The following RASEF variants were observed in gnomAD, a reference collection of about 807,000 sequenced individuals.
The protein encoded by RASEF is ras and EF-hand domain-containing protein.
RASEF carries 68 observed loss-of-function variants against 90.1 expected under a neutral mutation model. That is an observed-to-expected ratio of 0.75 (90% CI 0.62 to 0.92). RASEF has a LOEUF of 0.92. Among genes scored for constraint, RASEF ranks in the 40% least tolerant of loss-of-function variants. The pLI, the probability that RASEF is intolerant of heterozygous loss-of-function variation, is 0.00. For missense variants in RASEF, 949 were observed against 937.2 expected (o/e 1.01, Z -0.16); for synonymous variants, 331 against 345.2 (o/e 0.96, Z 0.46).
At chr9:83,119,878 C>T in the RASEF span, among the ~76,000 whole-genome samples, 4 of 152,278 alleles carry the variant, frequency 2.6e-5, no homozygotes, top group South Asian at 2.1e-4. Context: ...ACAAACTTCA[C>T]CTTTTAAAAA....
intron 1 of RASEF, among the ~76,000 whole-genome samples, chr9:83,044,183 G>A (rs577512160): frequency 1.9e-4 from 29 of 152,248 alleles, no homozygotes; most frequent in Middle Eastern, 6.8e-3. Context: ...TTGGCACAAT[G>A]TCTTCCTTTC....
chr9:83,158,653 T>TGTATACATATATGTATATATTTATGTAC, the RASEF span, among the ~76,000 whole-genome samples: 1 of 9,800 alleles, frequency 1.0e-4, no homozygotes, highest in Non-Finnish European at 1.9e-4. Flanking sequence ...TATGTCCAAA[T>TGTATACATATATGTATATATTTATGTAC]ATATACATAT....
chr9:83,053,573 T>C (rs920862666), intron 1 of RASEF, among the ~76,000 whole-genome samples: 1 of 126,462 alleles, frequency 7.9e-6, no homozygotes, highest in Admixed American at 7.7e-5. Flanking sequence ...ATGTGTGAAT[T>C]TGATCCTGTC....
chr9:83,148,878 G>GTA, the RASEF span, among the ~76,000 whole-genome samples: 1 of 152,158 alleles, frequency 6.6e-6, no homozygotes, highest in African/African-American at 2.4e-5. Context: ...CCTCTGGCAG[G>GTA]GATCTACCAT....
At position 83,025,834 on chromosome 9, in the gene RASEF, G is replaced by T. The variant is rs1438351119; in HGVS notation, c.519C>A (p.Phe173Leu). The T allele has an allele frequency of 1.9e-6, 3 of 1,613,944 alleles. No homozygotes were observed. The South Asian group carries it at 3.3e-5, about 18-fold the overall frequency. Residue 173 changes from phenylalanine to leucine, a missense_variant, in exon 2 of 17, where the codon TTC becomes TTA. This residue lies in a region of RASEF where 656 missense variants were observed against 592.2 expected (regional missense o/e 1.11). Transcript: ENST00000376447. ...IQPYEHVIKNFIREIRLQSTE... is the reference protein window; with the variant it reads ...IQPYEHVIKNLIREIRLQSTE... ...TGCTTTGAAGTCTGATCTCACGGAT[G>T]AAGTTCTTTATAACATGTTCATATG...
chr9:82,995,029 G>A (rs1828888838), intron 14 of RASEF, among the ~76,000 whole-genome samples: 1 of 152,124 alleles, frequency 6.6e-6, no homozygotes, highest in Non-Finnish European at 1.5e-5. Context: ...TTTTTCTAAG[G>A]TGAAAGTCAA....
At chr9:83,102,367 G>T in the RASEF span, among the ~76,000 whole-genome samples, 2 of 152,124 alleles carry the variant, frequency 1.3e-5, no homozygotes, top group African/African-American at 4.8e-5. Flanking sequence ...TATAAGAGCA[G>T]AAACAAAAAG....
chr9:83,180,977 C>G, the RASEF span, among the ~76,000 whole-genome samples: 1 of 151,782 alleles, frequency 6.6e-6, no homozygotes, highest in South Asian at 2.1e-4. Flanking sequence ...CTGACACATT[C>G]AAGTGATATT....
chr9:83,057,995 G>A (rs1049530005), intron 1 of RASEF, among the ~76,000 whole-genome samples: 1 of 150,528 alleles, frequency 6.6e-6, no homozygotes, highest in Non-Finnish European at 1.5e-5. Flanking sequence ...GTGACTCAGG[G>A]CCACCTTTCT....
intron 16 of RASEF, among the ~76,000 whole-genome samples, chr9:82,988,194 C>A (rs913136537): frequency 1.3e-5 from 2 of 152,356 alleles, no homozygotes; most frequent in Middle Eastern, 3.4e-3. Flanking sequence ...AAGTCAAATT[C>A]TGCATTTTAC....
the RASEF span, among the ~76,000 whole-genome samples, chr9:83,185,333 T>TTTTC: frequency 0.016 from 2,442 of 148,502 alleles, 70 homozygotes; most frequent in African/African-American, 0.055. Context: ...TGTGCTTTCT[T>TTTTC]TTTCTTTCTT....
chr9:83,134,053 G>A, the RASEF span, among the ~76,000 whole-genome samples: 1 of 152,006 alleles, frequency 6.6e-6, no homozygotes, highest in Non-Finnish European at 1.5e-5. Flanking sequence ...AACAATATAG[G>A]TATGGGTATA....
At chr9:83,091,020 T>C in the RASEF span, among the ~76,000 whole-genome samples, 2 of 152,164 alleles carry the variant, frequency 1.3e-5, no homozygotes, top group African/African-American at 4.8e-5. Context: ...TCTAGAACCA[T>C]TAAATCTCCT....
chr9:82,983,107 C>CCCCACACACACA (rs1340706939), intron 16 of RASEF, among the ~76,000 whole-genome samples: 1 of 128,560 alleles, frequency 7.8e-6, no homozygotes, highest in African/African-American at 3.0e-5. Flanking sequence ...GAGTACCAGG[C>CCCCACACACACA]CACACACACA....
chr9:83,106,213 C>CCT, the RASEF span, among the ~76,000 whole-genome samples: 2 of 152,102 alleles, frequency 1.3e-5, no homozygotes, highest in African/African-American at 4.8e-5. Flanking sequence ...TTGCTTAATC[C>CCT]CTCCACCTTG....
the RASEF span, among the ~76,000 whole-genome samples, chr9:83,175,920 C>T: frequency 1.3e-5 from 2 of 152,146 alleles, no homozygotes; most frequent in African/African-American, 4.8e-5. Flanking sequence ...GGTTTATACC[C>T]TAATATATGG....
chr9:83,177,243 T>C, the RASEF span, among the ~76,000 whole-genome samples: 11 of 152,272 alleles, frequency 7.2e-5, no homozygotes, highest in East Asian at 1.5e-3. Flanking sequence ...TTCAAATTAC[T>C]AGGTTGGTAC....
At chr9:83,200,962 A>C in the RASEF span, 1 of 152,202 alleles carries the variant, frequency 6.6e-6, no homozygotes, top group South Asian at 2.1e-4. Flanking sequence ...AGACCCATAG[A>C]CCAGGATTTT....
the RASEF span, among the ~76,000 whole-genome samples, chr9:83,100,612 C>T: frequency 0.017 from 2,617 of 152,248 alleles, 72 homozygotes; most frequent in African/African-American, 0.06. Flanking sequence ...TCCTTCCATA[C>T]AGAAGGAAGT....
Sources: allele counts gnomAD v4.1 joint callset (sites outside exome capture counted in the v4.1 genomes callset), GRCh38; gene constraint gnomAD v4.1.1; regional missense constraint gnomAD v4.1.1; transcripts MANE v1.5; gene names NCBI Gene and HGNC (gene_info 2026-07-23, HGNC 2026-07-21).